Variants in TANC2 observed in about 807,000 individuals in gnomAD.
TANC2 encodes the protein protein TANC2.
In TANC2, 26 loss-of-function variants were observed where a neutral mutation model predicts 210.5. The ratio of observed to expected loss-of-function variants is 0.12; its 90% CI spans 0.09 to 0.17. The LOEUF is 0.17. Ranked by LOEUF, TANC2 falls within the 10% of genes least tolerant of loss-of-function variation. The pLI, the probability that TANC2 is intolerant of heterozygous loss-of-function variation, is 1.00. For missense variants in TANC2, 2,129 were observed against 2,608.9 expected (o/e 0.82, Z 4.01); for synonymous variants, 931 against 967.1 (o/e 0.96, Z 0.69).
At chr17:63,389,227 T>C in intron 16 of TANC2, 81 bp from the exon 17 acceptor site, 4 of 1,045,380 alleles carry the variant, frequency 3.8e-6, no homozygotes, top group South Asian at 3.1e-5. Flanking sequence ...TGTTGTAGAA[T>C]GTTAGATGGT....
intron 4 of TANC2, among the ~76,000 whole-genome samples, chr17:63,111,548 G>GATGGTTTTCTACTCTTCATCTTTGATT (rs1468683946): frequency 6.6e-6 from 1 of 151,970 alleles, no homozygotes; most frequent in Non-Finnish European, 1.5e-5. Context: ...AATATTGTTA[G>GATGGTTTTCTACTCTTCATCTTTGATT]ATGGTTTTCT....
intron 8 of TANC2, among the ~76,000 whole-genome samples, chr17:63,261,632 A>G (rs765954997): frequency 6.6e-6 from 1 of 152,192 alleles, no homozygotes; most frequent in Non-Finnish European, 1.5e-5. Flanking sequence ...ATGAACTGCC[A>G]ATGCTTGGCT....
intron 8 of TANC2, among the ~76,000 whole-genome samples, chr17:63,259,817 T>G (rs941965462): frequency 7.2e-5 from 11 of 152,228 alleles, no homozygotes; most frequent in African/African-American, 2.7e-4. Context: ...TTATTTCCAT[T>G]AATCTTCTTT....
chr17:63,226,965 G>A (rs188460810), intron 7 of TANC2, among the ~76,000 whole-genome samples: 15 of 152,210 alleles, frequency 9.9e-5, no homozygotes, highest in Admixed American at 1.3e-4. Context: ...GTATTCCATG[G>A]TGTATATGTA....
chr17:63,184,974 G>C (rs1262717994), intron 5 of TANC2, among the ~76,000 whole-genome samples: 1 of 150,858 alleles, frequency 6.6e-6, no homozygotes, highest in Non-Finnish European at 1.5e-5. Flanking sequence ...TCAGTAATAC[G>C]GTTTTTTTTT....
chr17:63,330,515 A>C (rs957199860), intron 11 of TANC2, among the ~76,000 whole-genome samples: 3 of 152,222 alleles, frequency 2.0e-5, no homozygotes, highest in African/African-American at 7.2e-5. Flanking sequence ...CCAAATTCTT[A>C]AAGGTGACCA....
At position 63,420,207 on chromosome 17, in the gene TANC2, G is replaced by A. The variant is rs563476758; in HGVS notation, c.4477G>A (p.Asp1493Asn). 1.4e-4 allele frequency: 221 copies of A among 1,605,724 alleles called. 1 individual carries two copies. In the South Asian group the frequency reaches 2.4e-3, roughly 17 times the overall value. Residue 1493 changes from aspartate to asparagine, a missense_variant, in exon 28 of 28, where the codon GAT (aspartate) becomes AAT (asparagine). Asp to Asn is a conservative substitution (Grantham distance 23). Around this residue, in one of 5 missense-constraint regions of TANC2, gnomAD observed 584 missense variants for 627.3 expected, o/e 0.93. Coordinates refer to ENST00000689528, the Ensembl canonical transcript of TANC2. This position sits in a 1 kb window ranked among gnomAD's most constrained non-coding sequence, Gnocchi z 4.2. ...GCATGAAGACATATACTCTGTACAG[G>A]ATATATTCGAGGAGGAGTACCTGGA...
At chr17:63,280,658 A>G (rs978206128) in intron 9 of TANC2, among the ~76,000 whole-genome samples, 3 of 152,050 alleles carry the variant, frequency 2.0e-5, no homozygotes, top group African/African-American at 4.8e-5. Context: ...TTGTTTAAAT[A>G]CATCTGTTAC....
chr17:63,080,462 A>T (rs576095178), intron 3 of TANC2, among the ~76,000 whole-genome samples: 2 of 152,326 alleles, frequency 1.3e-5, no homozygotes, highest in South Asian at 4.1e-4. Flanking sequence ...TACTGGTGTA[A>T]TGATGTCCAC....
chr17:63,000,882 A>G (rs1220945017), intron 1 of TANC2, among the ~76,000 whole-genome samples: 1 of 151,616 alleles, frequency 6.6e-6, no homozygotes, highest in African/African-American at 2.4e-5. Flanking sequence ...GAGGAAAATC[A>G]TTTAATCAAA....
At chr17:62,975,598 CTG>C (rs1260154601) in intron 1 of TANC2, among the ~76,000 whole-genome samples, 2 of 145,198 alleles carry the variant, frequency 1.4e-5, no homozygotes, top group East Asian at 4.0e-4. Flanking sequence ...TGTTTGAAAG[CTG>C]TTATTCAGAC....
At chr17:63,313,382 G>A (rs1025322578) in intron 9 of TANC2, 16 of 152,284 alleles carry the variant, frequency 1.1e-4, no homozygotes, top group African/African-American at 3.9e-4. Context: ...GTTTAACCCA[G>A]ATATGGACCA....
At chr17:63,295,065 T>A (rs1442829837) in intron 9 of TANC2, among the ~76,000 whole-genome samples, 1 of 152,188 alleles carries the variant, frequency 6.6e-6, no homozygotes, top group Non-Finnish European at 1.5e-5. Context: ...CAACAGTGCT[T>A]TCTTGTTCAT....
intron 11 of TANC2, among the ~76,000 whole-genome samples, chr17:63,336,877 C>T (rs964427438): frequency 1.6e-4 from 24 of 152,084 alleles, no homozygotes; most frequent in African/African-American, 5.8e-4. Flanking sequence ...TGAACCATTC[C>T]CAAGGAGCTG....
intron 2 of TANC2, among the ~76,000 whole-genome samples, chr17:63,051,360 CT>C (rs745430737): frequency 3.9e-5 from 6 of 152,162 alleles, no homozygotes; most frequent in Non-Finnish European, 7.3e-5. Flanking sequence ...CTAGCTCATA[CT>C]TGAGAAGCTG....
At chr17:63,056,168 CTG>C in intron 2 of TANC2, among the ~76,000 whole-genome samples, 1 of 119,672 alleles carries the variant, frequency 8.4e-6, no homozygotes, top group South Asian at 2.7e-4. Flanking sequence ...GAGTGAGACT[CTG>C]TGTTAAAAAA....
chr17:63,318,826 T>G, intron 10 of TANC2, 131 bp from the exon 11 acceptor site: 1 of 1,058,166 alleles, frequency 9.5e-7, no homozygotes, highest in South Asian at 1.5e-5. Flanking sequence ...TGGGTGGACA[T>G]GTGTTTTTAT....
At chr17:63,391,751 A>C (rs1289519914) in intron 17 of TANC2, 3 of 145,802 alleles carry the variant, frequency 2.1e-5, no homozygotes, top group African/African-American at 5.1e-5. Flanking sequence ...TTTTAAACAG[A>C]GCCTGGCTCT....
At chr17:63,422,175 C>G (rs998310091) in exon 28 of TANC2, 4 of 523,752 alleles carry the variant, frequency 7.6e-6, no homozygotes, top group African/African-American at 7.6e-5. Context: ...CAGCCACATG[C>G]TCTCTCCCTC....
Sources: gnomAD v4.1 joint callset for allele counts (sites outside exome capture counted in the v4.1 genomes callset) on GRCh38, gnomAD v4.1.1 for gene constraint, gnomAD v4.1.1 regional missense constraint, Gnocchi (gnomAD v3.1) non-coding constraint, MANE v1.5 for transcripts, NCBI Gene and HGNC (gene_info 2026-07-23, HGNC 2026-07-21) for gene names.